HPCA: variants seen among roughly 807,000 people sequenced by gnomAD.
HPCA encodes hippocalcin.
In HPCA, 4 loss-of-function variants were observed where a neutral mutation model predicts 18.2. The ratio of observed to expected loss-of-function variants is 0.22; its 90% CI spans 0.11 to 0.50. HPCA has a LOEUF of 0.50. Among genes scored for constraint, HPCA ranks in the 20% least tolerant of loss-of-function variants. The probability of loss-of-function intolerance (pLI) is 0.97; values close to 1 mark genes in which losing one functional copy is unlikely to be tolerated. For synonymous variants in HPCA, 93 were observed against 103.5 expected, an observed-to-expected ratio of 0.90 and a Z score of 0.61; for missense variants, 161 against 265.8, an observed-to-expected ratio of 0.61 and a Z score of 2.74.
rs1641376365 is a variant in HPCA at position 32,886,754 on chromosome 1, G to C, written c.-22+239G>C. Among the ~76,000 whole-genome samples, 1 of 152,088 alleles carries C rather than the reference G, an allele frequency of 6.6e-6. No homozygotes were observed. The highest frequency in any genetic ancestry group is 1.5e-5 in the Non-Finnish European group (1 of 67,980). On this transcript the variant is annotated intron_variant, in intron 1 of 3. Coordinates refer to ENST00000373467, the MANE Select transcript of HPCA (RefSeq NM_002143.3). The surrounding 1 kb of genome is among the most constrained non-coding windows in gnomAD (Gnocchi z 7.0). ...CCCTGGAGCGCCCCCTCCAGGAGGG[G>C]CCACGCGCCGGGCGCTGTCCTAGTG...
At position 32,886,781 on chromosome 1, in the gene HPCA, T is replaced by C. The variant is rs1343138179; in HGVS notation, c.-22+266T>C. Among the ~76,000 whole-genome samples, 1 of 151,768 alleles carries C rather than the reference T, an allele frequency of 6.6e-6. No homozygotes were observed. Among genetic ancestry groups the C allele is most frequent in the Admixed American group, 6.5e-5 (1 of 15,272 alleles). On this transcript the variant is annotated intron_variant, in intron 1 of 3. Coordinates refer to ENST00000373467, the MANE Select transcript of HPCA (RefSeq NM_002143.3). The surrounding 1 kb of genome is among the most constrained non-coding windows in gnomAD (Gnocchi z 7.0). Reference sequence around the variant, plus strand: ...CACGCGCCGGGCGCTGTCCTAGTGCTGAGCGGATGGAGGCGGGGGCTGGGG... The same window carrying C: ...CACGCGCCGGGCGCTGTCCTAGTGCCGAGCGGATGGAGGCGGGGGCTGGGG...
rs1352778066 is a variant in HPCA, at chr1:32,894,423, G to A, written c.*561G>A. 2 of 212,092 alleles carry A rather than the reference G, an allele frequency of 9.4e-6. No homozygotes were observed. The highest frequency in any genetic ancestry group is 1.2e-4 in the South Asian group (1 of 8,372). 13.1% of individuals were successfully genotyped at this position (212,092 alleles called of 1,614,324 possible). ...AGCACTTGGATACACACAGACCCAC[G>A]GAGCTCTCTGTGTTTGGCCTCTCAC... On this transcript the variant is annotated 3_prime_UTR_variant, in exon 4 of 4. Transcript: ENST00000373467.
At chr1:32,891,261 A>G (rs1447446406) in intron 2 of HPCA, among the ~76,000 whole-genome samples, 2 of 152,206 alleles carry the variant, frequency 1.3e-5, no homozygotes, top group Non-Finnish European at 2.9e-5. Context: ...GATTAATGAC[A>G]AGTTGGCTCC....
rs1641518998 is a variant in HPCA at position 32,894,000 on chromosome 1, G to A, written c.*138G>A. ...CGGGTCTGCCCTGTGGGGGGCTTCC[G>A]GAAAAGGGAACCCTGCGGTACCCCC... On this transcript the variant is annotated 3_prime_UTR_variant, in exon 4 of 4. Transcript: ENST00000373467. This position sits in a 1 kb window ranked among gnomAD's most constrained non-coding sequence, Gnocchi z 7.5. 1 of 664,364 alleles carries A rather than the reference G, an allele frequency of 1.5e-6. No individual in the cohort carries two copies. The highest frequency in any genetic ancestry group is 2.6e-6 in the Non-Finnish European group (1 of 391,900). 41.2% of individuals were successfully genotyped at this position (664,364 alleles called of 1,614,324 possible).
chr1:32,892,184 C>G (rs1641462166), intron 2 of HPCA, among the ~76,000 whole-genome samples: 1 of 152,112 alleles, frequency 6.6e-6, no homozygotes, highest in Non-Finnish European at 1.5e-5. Flanking sequence ...GGAGGAGGGT[C>G]AGCAGTGGAC....
rs1017179293 is a variant in HPCA at position 32,893,901 on chromosome 1, C to T, written c.*39C>T. 1.8e-5 allele frequency: 25 copies of T among 1,375,442 alleles called. No individual in the cohort carries two copies. The highest frequency in any genetic ancestry group is 2.5e-5 in the Non-Finnish European group (25 of 989,196). 85.2% of individuals were successfully genotyped at this position (1,375,442 alleles called of 1,614,324 possible). A position where few individuals can be genotyped will look rare whatever the true frequency, so the allele number is the denominator to read the frequency against. On this transcript the variant is annotated 3_prime_UTR_variant, in exon 4 of 4. Transcript: ENST00000373467. The surrounding 1 kb of genome is among the most constrained non-coding windows in gnomAD (Gnocchi z 7.5). ...CCCCTTCCTCCCTCCCTTCACCGGC[C>T]CCCTCCCGGCTCTTAGCTTCCACTC...
At position 32,893,166 on chromosome 1, in the gene HPCA, C is replaced by A. The variant is rs1570023917; in HGVS notation, c.379-358C>A. Among the ~76,000 whole-genome samples, 1 of 151,432 alleles carries A rather than the reference C, an allele frequency of 6.6e-6. No homozygotes were observed. The highest frequency in any genetic ancestry group is 1.5e-5 in the Non-Finnish European group (1 of 67,766). ...GTACTTACCCCCGACGCGCGTGCCC[C>A]GGGGCACGCGCTCCTGAGCCCGCCG... is the stretch of plus-strand genomic sequence containing the variant. On this transcript the variant is annotated intron_variant, in intron 2 of 3. Coordinates refer to ENST00000373467, the MANE Select transcript of HPCA (RefSeq NM_002143.3). This position sits in a 1 kb window ranked among gnomAD's most constrained non-coding sequence, Gnocchi z 7.5.
At chr1:32,892,318 G>T (rs559513697) in intron 2 of HPCA, among the ~76,000 whole-genome samples, 1 of 152,286 alleles carries the variant, frequency 6.6e-6, no homozygotes, top group East Asian at 1.9e-4. Flanking sequence ...TGGGGATATG[G>T]GCATTAGCTA....
rs117919038 is a variant in HPCA at position 32,890,082 on chromosome 1, G to A, written c.378+806G>A. On this transcript the variant is annotated intron_variant, in intron 2 of 3. Transcript: ENST00000373467. ...ATTGAGTGAGGTGCTCATGAGCTCA[G>A]TGCGTGCTTACAACAACCCCATGAG... Among the ~76,000 whole-genome samples the A allele has an allele frequency of 2.6e-5, 4 of 152,306 alleles. No homozygotes were observed. In the East Asian group the frequency reaches 7.7e-4, roughly 29 times the overall value.
intron 2 of HPCA, among the ~76,000 whole-genome samples, chr1:32,891,186 C>A (rs1641448123): frequency 6.6e-6 from 1 of 152,242 alleles, no homozygotes; most frequent in Admixed American, 6.5e-5. Context: ...ACCCTGGCTT[C>A]TTTTAGGGCG....
In HPCA at chr1:32,893,478, G is replaced by T. The variant is rs776277238; in HGVS notation, c.379-46G>T. 7.3e-7 allele frequency: 1 copy of T among 1,372,216 alleles called. No homozygotes were observed. Among genetic ancestry groups the T allele is most frequent in the African/African-American group, 1.4e-5 (1 of 69,808 alleles). The allele number at this position is 1,372,216 out of a possible 1,614,324, so 85.0% of individuals were successfully genotyped here. Reference sequence around the variant, plus strand: ...GCGCCTCTGAATCTTGCGGGTGGGGGCTCGGGCAGGCTCCTCTCACTCCCC... The same window carrying T: ...GCGCCTCTGAATCTTGCGGGTGGGGTCTCGGGCAGGCTCCTCTCACTCCCC... On this transcript the variant is annotated intron_variant, in intron 2 of 3. Transcript: ENST00000373467. This position sits in a 1 kb window ranked among gnomAD's most constrained non-coding sequence, Gnocchi z 7.5.
In HPCA at chr1:32,894,596, A is replaced by G; in HGVS notation, c.*734A>G. ...GCCCCCCCTGCATGCAGCCAAATGG[A>G]GCATCTCTGTTCTTTTTAATAATTT... On this transcript the variant is annotated 3_prime_UTR_variant, in exon 4 of 4. Coordinates refer to ENST00000373467, the MANE Select transcript of HPCA (RefSeq NM_002143.3). The G allele has an allele frequency of 1.9e-6, 1 of 534,632 alleles. No individual in the cohort carries two copies. The highest frequency in any genetic ancestry group is 3.6e-5 in the South Asian group (1 of 27,974). The allele number at this position is 534,632 out of a possible 1,614,324, so 33.1% of individuals were successfully genotyped here.
At chr1:32,888,785 T>C (rs1011980257) in intron 1 of HPCA, 93 bp from the exon 2 acceptor site, 5 of 1,176,150 alleles carry the variant, frequency 4.3e-6, no homozygotes, top group African/African-American at 3.1e-5. Context: ...GAGGCAGGGA[T>C]GGCTGTTGGC....
In HPCA at chr1:32,893,643, G is replaced by A; in HGVS notation, c.484+14G>A. Reference sequence around the variant, plus strand: ...CAAACAACGACGGTGAGGGGCAGGGGCGGGACGGGGTGGACGGGGCGGGCG... The same window carrying A: ...CAAACAACGACGGTGAGGGGCAGGGACGGGACGGGGTGGACGGGGCGGGCG... On this transcript the variant is annotated intron_variant, in intron 3 of 3. Transcript: ENST00000373467. This position sits in a 1 kb window ranked among gnomAD's most constrained non-coding sequence, Gnocchi z 7.5. 2 of 1,601,028 alleles carry A rather than the reference G, an allele frequency of 1.2e-6. No homozygotes were observed. The highest frequency in any genetic ancestry group is 1.7e-6 in the Non-Finnish European group (2 of 1,168,518).
In HPCA at chr1:32,893,213, G is replaced by A. The variant is rs1165144488; in HGVS notation, c.379-311G>A. On this transcript the variant is annotated intron_variant, in intron 2 of 3. Coordinates refer to ENST00000373467, the MANE Select transcript of HPCA (RefSeq NM_002143.3). This position sits in a 1 kb window ranked among gnomAD's most constrained non-coding sequence, Gnocchi z 7.5. ...GCCGCTCCAGGCCCTCCACTGTCGG[G>A]CCCCGGTGTCCTCCAACATCTCTCC... Among the ~76,000 whole-genome samples, 1 of 151,986 alleles carries A rather than the reference G, an allele frequency of 6.6e-6. No individual in the cohort carries two copies. The highest frequency in any genetic ancestry group is 1.9e-4 in the East Asian group (1 of 5,150).
rs933337371 is a variant in HPCA at position 32,889,628 on chromosome 1, C to T, written c.378+352C>T. The stretch of plus-strand genomic sequence containing the variant: ...TATATTTCCTAAAAATAAGCACATT[C>T]TCTTACATAACCCATAATATGATTA... On this transcript the variant is annotated intron_variant, in intron 2 of 3. Coordinates refer to ENST00000373467, the MANE Select transcript of HPCA (RefSeq NM_002143.3). This position sits in a 1 kb window ranked among gnomAD's most constrained non-coding sequence, Gnocchi z 4.6. 1.3e-5 allele frequency among the ~76,000 whole-genome samples: 2 copies of T among 152,292 alleles called. No homozygotes were observed. Among genetic ancestry groups the T allele is most frequent in the African/African-American group, 4.8e-5 (2 of 41,546 alleles).
Position 32,893,781 on chromosome 1 carries a change from G to C in HPCA, c.501G>C (p.Glu167Asp). The C allele has an allele frequency of 1.9e-6, 3 of 1,579,068 alleles. No individual in the cohort carries two copies. The highest frequency in any genetic ancestry group is 2.6e-6 in the Non-Finnish European group (3 of 1,163,304). Residue 167 changes from glutamate (E) to aspartate (D), a missense_variant, in exon 4 of 4, where the codon GAG (glutamate) becomes GAC (aspartate). By Grantham distance (45) the Glu-to-Asp change is conservative. Transcript: ENST00000373467. This position sits in a 1 kb window ranked among gnomAD's most constrained non-coding sequence, Gnocchi z 7.5. The part of the protein sequence containing the change: ...DTNNDGKLSL[E>D]EFIRGAKSDP... ...GCCCTGCAGGCAAGCTGTCCTTGGA[G>C]GAGTTCATCCGCGGGGCCAAAAGCG...
Position 32,893,673 on chromosome 1 carries a change from T to TTCCGG in HPCA, c.484+44_484+45insTCCGG. ...ACGGGGTGGACGGGGCGGGCGCCTT[T>TTCCGG]CCCTCCCTCCCTCCCTGCCTCCCTT... On this transcript the variant is annotated intron_variant, in intron 3 of 3. Coordinates refer to ENST00000373467, the MANE Select transcript of HPCA (RefSeq NM_002143.3). The surrounding 1 kb of genome is among the most constrained non-coding windows in gnomAD (Gnocchi z 7.5). 1 of 1,314,132 alleles carries TTCCGG rather than the reference T, an allele frequency of 7.6e-7. No individual in the cohort carries two copies. The highest frequency in any genetic ancestry group is 1.1e-6 in the Non-Finnish European group (1 of 926,078). 81.4% of individuals were successfully genotyped at this position (1,314,132 alleles called of 1,614,324 possible).
intron 1 of HPCA, 71 bp from the exon 2 acceptor site, chr1:32,888,807 T>C: frequency 7.2e-7 from 1 of 1,398,238 alleles, no homozygotes; most frequent in South Asian, 1.4e-5. Context: ...GGGGGGCCCA[T>C]CTGGAGCAGT....
Sources: gnomAD v4.1 joint callset for allele counts (sites outside exome capture counted in the v4.1 genomes callset) on GRCh38, gnomAD v4.1.1 for gene constraint, Gnocchi (gnomAD v3.1) non-coding constraint, MANE v1.5 for transcripts, NCBI Gene and HGNC (gene_info 2026-07-23, HGNC 2026-07-21) for gene names.